EMC2: variants seen among roughly 807,000 people sequenced by gnomAD.
The protein encoded by EMC2 is TPR repeat protein 35.
In EMC2, 37 loss-of-function variants were observed where a neutral mutation model predicts 51.6. The observed-to-expected ratio is 0.72, with a 90% CI of 0.55 to 0.94. The LOEUF (loss-of-function observed/expected upper bound fraction) is 0.94, where lower values mean the gene tolerates loss of function less well. EMC2 is among the 40% of genes least tolerant of loss of function. EMC2 has a pLI of 0.00. For missense variants in EMC2, 359 were observed against 350.9 expected, an observed-to-expected ratio of 1.02 and a Z score of -0.18; for synonymous variants, 131 against 112.4, an observed-to-expected ratio of 1.17 and a Z score of -1.04.
At chr8:108,461,765 A>G (rs1819327366) in intron 5 of EMC2, among the ~76,000 whole-genome samples, 1 of 152,100 alleles carries the variant, frequency 6.6e-6, no homozygotes, top group Non-Finnish European at 1.5e-5. Context: ...ATAAAATGAT[A>G]TGGTAAAAAA....
intron 1 of EMC2, 123 bp from the exon 2 acceptor site, chr8:108,449,700 A>T (rs1191180318): frequency 1.3e-5 from 7 of 552,322 alleles, no homozygotes; most frequent in Non-Finnish European, 2.0e-5. Context: ...CTTCTACATG[A>T]TTGTGAGTTT....
intron 3 of EMC2, among the ~76,000 whole-genome samples, chr8:108,451,021 G>A (rs941660166): frequency 6.6e-6 from 1 of 152,150 alleles, no homozygotes; most frequent in East Asian, 1.9e-4. Context: ...GGCCAACGTG[G>A]TGAAACCCCG....
At chr8:108,455,981 A>T in intron 5 of EMC2, 51 bp downstream of exon 5, 1 of 761,748 alleles carries the variant, frequency 1.3e-6, no homozygotes, top group Non-Finnish European at 2.0e-6. Flanking sequence ...TTTAAAAGAT[A>T]AAATTAATCG....
In EMC2 at chr8:108,470,048, T is replaced by A; in HGVS notation, c.450-14T>A. 6.2e-7 allele frequency: 1 copy of A among 1,611,564 alleles called. No individual in the cohort carries two copies. The highest frequency in any genetic ancestry group is 8.5e-7 in the Non-Finnish European group (1 of 1,178,356). On this transcript the variant is annotated splice_polypyrimidine_tract_variant and intron_variant, in intron 6 of 10. Transcript: ENST00000220853. ...TATCTACACACTTACTTTTTTTTCT[T>A]TTCCTCTCACCAGATTTGTTGGAGA...
intron 7 of EMC2, 150 bp from the exon 8 acceptor site, chr8:108,475,731 AT>A (rs1810934516): frequency 3.7e-6 from 2 of 536,746 alleles, no homozygotes; most frequent in Non-Finnish European, 6.6e-6. Context: ...TGAATTTCAG[AT>A]GACAAATACT....
chr8:108,477,530 T>C (rs1232753171), intron 9 of EMC2, among the ~76,000 whole-genome samples: 1 of 152,046 alleles, frequency 6.6e-6, no homozygotes, highest in Non-Finnish European at 1.5e-5. Context: ...ATCCTGTTCC[T>C]TTGACTTCTT....
chr8:108,479,660 GTCTTT>G (rs1811012192), intron 10 of EMC2, among the ~76,000 whole-genome samples: 1 of 152,024 alleles, frequency 6.6e-6, no homozygotes, highest in African/African-American at 2.4e-5. Flanking sequence ...ATCTTTTTAT[GTCTTT>G]AGCCTTATTT....
At chr8:108,469,079 T>C (rs761175363) in intron 5 of EMC2, among the ~76,000 whole-genome samples, 11 of 152,204 alleles carry the variant, frequency 7.2e-5, no homozygotes, top group Non-Finnish European at 1.2e-4. Context: ...ACCCTAGATA[T>C]CCCTGTCATT....
At chr8:108,472,370 A>G (rs932339057) in intron 7 of EMC2, among the ~76,000 whole-genome samples, 1 of 151,920 alleles carries the variant, frequency 6.6e-6, no homozygotes, top group African/African-American at 2.4e-5. Flanking sequence ...GTGAATGTAC[A>G]CTTAAGAGAA....
intron 1 of EMC2, chr8:108,446,180 C>A: frequency 3.3e-6 from 1 of 305,232 alleles, no homozygotes; most frequent in Non-Finnish European, 6.8e-6. Flanking sequence ...TCAGGCCTGG[C>A]ACATAGGCAT....
At chr8:108,474,838 A>G (rs553850288) in intron 7 of EMC2, 13 of 152,076 alleles carry the variant, frequency 8.5e-5, no homozygotes, top group African/African-American at 2.9e-4. Context: ...CAGCTCTAGC[A>G]TGTTGATAAT....
chr8:108,468,628 C>T (rs975016998), intron 5 of EMC2, among the ~76,000 whole-genome samples: 3 of 152,054 alleles, frequency 2.0e-5, no homozygotes, highest in African/African-American at 2.4e-5. Context: ...CTTACCACCC[C>T]GTAATGAGTA....
At chr8:108,458,149 G>A (rs1056769165) in intron 5 of EMC2, among the ~76,000 whole-genome samples, 3 of 152,254 alleles carry the variant, frequency 2.0e-5, no homozygotes, top group Admixed American at 1.3e-4. Context: ...TGATGCAGGA[G>A]GTGGATTCCT....
In EMC2 at chr8:108,458,072, G is replaced by A. The variant is rs552943998; in HGVS notation, c.363+2142G>A. ...GCCCCATGCAAGTCTGAAATCCAGC[G>A]GGGCAGTGGAATCTTAAAGCTGCAG... On this transcript the variant is annotated intron_variant, in intron 5 of 10. Transcript: ENST00000220853. 1.4e-4 allele frequency among the ~76,000 whole-genome samples: 22 copies of A among 152,318 alleles called. No homozygotes were observed. In the South Asian group the frequency reaches 3.5e-3, roughly 24 times the overall value.
intron 1 of EMC2, chr8:108,446,431 T>TG (rs994120445): frequency 4.1e-6 from 1 of 244,514 alleles, no homozygotes; most frequent in African/African-American, 2.3e-5. Context: ...AATTTTAGCA[T>TG]GGGGTGATGA....
chr8:108,479,568 G>C (rs1811009677), intron 10 of EMC2, among the ~76,000 whole-genome samples: 1 of 152,036 alleles, frequency 6.6e-6, no homozygotes, highest in Non-Finnish European at 1.5e-5. Flanking sequence ...TTCTCCATTT[G>C]TATCTTAGTT....
At position 108,450,417 on chromosome 8, in the gene EMC2, T is replaced by C. The variant is rs768721697; in HGVS notation, c.155-11T>C. ...TAAATTCAGTTTTTTTCCCCCTTTA[T>C]GTGTATCTAGTTTGGATCATATATG... On this transcript the variant is annotated splice_polypyrimidine_tract_variant and intron_variant, in intron 2 of 10. Transcript: ENST00000220853. 1.3e-6 allele frequency: 2 copies of C among 1,557,146 alleles called. No individual in the cohort carries two copies.
downstream of EMC2, among the ~76,000 whole-genome samples, chr8:108,489,196 CTG>C (rs900076349): frequency 6.6e-6 from 1 of 152,188 alleles, no homozygotes; most frequent in Non-Finnish European, 1.5e-5. Context: ...GTTTAAGACA[CTG>C]TTTGGTTTCC....
intron 5 of EMC2, 134 bp from the exon 6 acceptor site, chr8:108,469,692 A>G (rs1810812068): frequency 1.5e-6 from 1 of 659,388 alleles, no homozygotes; most frequent in African/African-American, 1.8e-5. Context: ...TATGTTTATA[A>G]ACTCCCACTA....
Sources: gnomAD v4.1 joint callset for allele counts (sites outside exome capture counted in the v4.1 genomes callset) on GRCh38, gnomAD v4.1.1 for gene constraint, MANE v1.5 for transcripts, NCBI Gene and HGNC (gene_info 2026-07-23, HGNC 2026-07-21) for gene names.